Variants in PMEPA1 observed in about 807,000 individuals in gnomAD.
The protein encoded by PMEPA1 is prostate transmembrane protein, androgen induced 1, also known as protein TMEPAI.
PMEPA1 carries 11 observed loss-of-function variants against 23.0 expected under a neutral mutation model. The ratio of observed to expected loss-of-function variants is 0.48; its 90% CI spans 0.30 to 0.79. The LOEUF is 0.79. Among genes scored for constraint, PMEPA1 ranks in the 30% least tolerant of loss-of-function variants. The probability of loss-of-function intolerance (pLI) is 0.06; values close to 1 mark genes in which losing one functional copy is unlikely to be tolerated. For synonymous variants in PMEPA1, 204 were observed against 166.4 expected, an observed-to-expected ratio of 1.23 and a Z score of -1.74; for missense variants, 377 against 390.9, an observed-to-expected ratio of 0.96 and a Z score of 0.30.
intron 1 of PMEPA1, among the ~76,000 whole-genome samples, chr20:57,673,089 G>A (rs553113345): frequency 4.7e-5 from 7 of 150,364 alleles, no homozygotes; most frequent in African/African-American, 7.3e-5. Flanking sequence ...CTGGGCCCCC[G>A]CCCCGACTTC....
chr20:57,665,255 A>G (rs1364353660), intron 1 of PMEPA1, among the ~76,000 whole-genome samples: 1 of 152,204 alleles, frequency 6.6e-6, no homozygotes, highest in Non-Finnish European at 1.5e-5. Flanking sequence ...CTTAGGGAGA[A>G]GTAGCCCTAG....
chr20:57,709,478 C>T lies in PMEPA1; in HGVS notation c.105G>A (p.Glu35=). The T allele has an allele frequency of 8.8e-7, 1 of 1,132,362 alleles. No homozygotes were observed. The highest frequency in any genetic ancestry group is 1.1e-6 in the Non-Finnish European group (1 of 905,866). The allele number at this position is 1,132,362 out of a possible 1,614,324, so 70.1% of individuals were successfully genotyped here. ...NCKRSLFQSM[E]ITELEFVQII... ...GGGGGGCGTGGGGTCACTCACTGAT[C>T]TCCATGCTCTGGAACAAAGAGCGTT... The change falls in exon 1 of 4, where the codon GAG becomes GAA. Residue 35 remains glutamate, a synonymous_variant. Transcript: ENST00000341744.
intron 1 of PMEPA1, among the ~76,000 whole-genome samples, chr20:57,680,919 G>A (rs6025721): frequency 2.6e-5 from 4 of 152,222 alleles, no homozygotes; most frequent in South Asian, 4.1e-4. Flanking sequence ...AGCAGTCTGC[G>A]TGAGGACGTA....
chr20:57,709,689 G>C lies in PMEPA1; in HGVS notation c.-107C>G. ...CCCCGCATGCAGGAGGCGCGCGGCGGGGGAGGCGCGCCCCGGCTCGCCGGG... is the reference window on the plus strand; with the variant it reads ...CCCCGCATGCAGGAGGCGCGCGGCGCGGGAGGCGCGCCCCGGCTCGCCGGG... On this transcript the variant is annotated 5_prime_UTR_variant, in exon 1 of 4. Transcript: ENST00000341744. 1 of 977,820 alleles carries C rather than the reference G, an allele frequency of 1.0e-6. No homozygotes were observed. Among genetic ancestry groups the C allele is most frequent in the Non-Finnish European group, 1.2e-6 (1 of 826,560 alleles). The allele number at this position is 977,820 out of a possible 1,614,324, so 60.6% of individuals were successfully genotyped here.
At chr20:57,676,982 C>T (rs935093775) in intron 1 of PMEPA1, among the ~76,000 whole-genome samples, 1 of 152,256 alleles carries the variant, frequency 6.6e-6, no homozygotes. Flanking sequence ...AGGCCCACCC[C>T]ACCTCACCAC....
At chr20:57,709,126 T>A (rs1026047774) in intron 1 of PMEPA1, among the ~76,000 whole-genome samples, 6 of 151,710 alleles carry the variant, frequency 4.0e-5, no homozygotes, top group African/African-American at 1.5e-4. Context: ...CCGGCCTAAA[T>A]GCTCCATCGC....
chr20:57,671,362 C>G (rs550174471), intron 1 of PMEPA1, among the ~76,000 whole-genome samples: 1 of 152,032 alleles, frequency 6.6e-6, no homozygotes, highest in African/African-American at 2.4e-5. Flanking sequence ...AACGGGTGGG[C>G]GTGGGTGAGT....
At chr20:57,665,744 A>G (rs1052838124) in intron 1 of PMEPA1, among the ~76,000 whole-genome samples, 5 of 152,216 alleles carry the variant, frequency 3.3e-5, no homozygotes, top group African/African-American at 4.8e-5. Context: ...TCTGTCCCCA[A>G]GGTGGGAGAT....
At position 57,683,983 on chromosome 20, in the gene PMEPA1, C is replaced by T. The variant is rs2071763893; in HGVS notation, c.110-24286G>A. On this transcript the variant is annotated intron_variant, in intron 1 of 3. Transcript: ENST00000341744. The surrounding 1 kb of genome is among the most constrained non-coding windows in gnomAD (Gnocchi z 4.3). ...CTGGAGTGTTATGGGATGTCCTTCT[C>T]TATCTCCTGCAGACGAAATGTCCCA... 6.6e-6 allele frequency among the ~76,000 whole-genome samples: 1 copy of T among 152,166 alleles called. No individual in the cohort carries two copies. Among genetic ancestry groups the T allele is most frequent in the Non-Finnish European group, 1.5e-5 (1 of 68,032 alleles).
At chr20:57,694,579 T>A (rs1407103892) in intron 1 of PMEPA1, among the ~76,000 whole-genome samples, 1 of 152,236 alleles carries the variant, frequency 6.6e-6, no homozygotes, top group East Asian at 1.9e-4. Context: ...ATGGGTGCAG[T>A]GGGCTGGACA....
chr20:57,699,914 C>T (rs959396108), intron 1 of PMEPA1: 26 of 406,360 alleles, frequency 6.4e-5, no homozygotes, highest in African/African-American at 2.5e-4. Flanking sequence ...GCGGTTGGAA[C>T]GCACATGTTT....
At chr20:57,696,437 A>G (rs1482353601) in intron 1 of PMEPA1, among the ~76,000 whole-genome samples, 1 of 152,178 alleles carries the variant, frequency 6.6e-6, no homozygotes, top group Non-Finnish European at 1.5e-5. Context: ...CTGCAGCCCA[A>G]GTTCAAATCC....
At chr20:57,690,793 T>G (rs574846233) in intron 1 of PMEPA1, among the ~76,000 whole-genome samples, 83 of 152,308 alleles carry the variant, frequency 5.4e-4, no homozygotes, top group African/African-American at 1.9e-3. Flanking sequence ...CACCCACCAG[T>G]TGGTGAGGAT....
At chr20:57,701,637 T>C (rs2072012480) in intron 1 of PMEPA1, among the ~76,000 whole-genome samples, 1 of 152,038 alleles carries the variant, frequency 6.6e-6, no homozygotes, top group Non-Finnish European at 1.5e-5. Context: ...AAAATCACAT[T>C]TTGTACCAGA....
chr20:57,675,902 A>G (rs1273834922), intron 1 of PMEPA1, among the ~76,000 whole-genome samples: 1 of 151,902 alleles, frequency 6.6e-6, no homozygotes, highest in Non-Finnish European at 1.5e-5. Flanking sequence ...TTTCTTTTTC[A>G]GGCAACGTGA....
chr20:57,697,384 C>G (rs554896224), intron 1 of PMEPA1, among the ~76,000 whole-genome samples: 3 of 152,334 alleles, frequency 2.0e-5, no homozygotes, highest in Admixed American at 6.5e-5. Flanking sequence ...CTGTTATGGG[C>G]AGCAAGTAGG....
intron 1 of PMEPA1, among the ~76,000 whole-genome samples, chr20:57,688,897 T>G (rs157105): frequency 0.65 from 98,206 of 152,008 alleles, 34,061 homozygotes; most frequent in African/African-American, 0.91. Flanking sequence ...TGGTGAGCAT[T>G]CCCTGAGCGG....
chr20:57,668,109 C>T lies in PMEPA1; in HGVS notation c.110-8412G>A, dbSNP rs370004159. Among the ~76,000 whole-genome samples the T allele has an allele frequency of 8.6e-4, 131 of 152,252 alleles. 2 individuals are homozygous for T. The South Asian group carries it at 0.015, about 18-fold the overall frequency. On this transcript the variant is annotated intron_variant, in intron 1 of 3. Transcript: ENST00000341744. ...GAGTGCTTGCTTTGTGGCAAGCACA[C>T]GGCTGAGCACCTGGCACCCGGACAG...
chr20:57,662,608 A>G lies in PMEPA1; in HGVS notation c.110-2911T>C, dbSNP rs552734569. On this transcript the variant is annotated intron_variant, in intron 1 of 3. Coordinates refer to ENST00000341744, the MANE Select transcript of PMEPA1 (RefSeq NM_020182.5). ...AGACAGGCAGGTCCAGGGCCGGGGC[A>G]GCCTGGCCTGATTCTGTAGGGCCCA... 6.6e-5 allele frequency among the ~76,000 whole-genome samples: 10 copies of G among 152,310 alleles called. No individual in the cohort carries two copies. In the East Asian group the frequency reaches 1.9e-3, roughly 29 times the overall value.
Sources: allele counts gnomAD v4.1 joint callset (sites outside exome capture counted in the v4.1 genomes callset), GRCh38; gene constraint gnomAD v4.1.1; non-coding constraint Gnocchi (gnomAD v3.1); transcripts MANE v1.5; gene names NCBI Gene and HGNC (gene_info 2026-07-23, HGNC 2026-07-21).